The following LRFN5 variants were observed in gnomAD, a reference collection of about 807,000 sequenced individuals.
LRFN5 encodes the protein leucine rich repeat and fibronectin type III domain containing 5.
Under a neutral mutation model 45.6 loss-of-function variants are expected in LRFN5, and 24 were observed. The ratio of observed to expected loss-of-function variants is 0.53; its 90% CI spans 0.38 to 0.74. The LOEUF (loss-of-function observed/expected upper bound fraction) is 0.74. Among genes scored for constraint, LRFN5 ranks in the 30% least tolerant of loss-of-function variants. The probability of loss-of-function intolerance (pLI) is 0.00; values close to 1 mark genes in which losing one functional copy is unlikely to be tolerated. For missense variants in LRFN5, 776 were observed against 861.5 expected (o/e 0.90, Z 1.24); for synonymous variants, 340 against 313.8 (o/e 1.08, Z -0.88).
At chr14:41,792,652 TG>T (rs1221632005) in intron 2 of LRFN5, among the ~76,000 whole-genome samples, 2 of 152,070 alleles carry the variant, frequency 1.3e-5, no homozygotes, top group Admixed American at 1.3e-4. Flanking sequence ...TGGCTCTTTT[TG>T]CCTGACCCCG....
At chr14:41,729,082 G>A (rs1884057656) in intron 1 of LRFN5, among the ~76,000 whole-genome samples, 1 of 152,118 alleles carries the variant, frequency 6.6e-6, no homozygotes, top group African/African-American at 2.4e-5. Flanking sequence ...CAATCATTCA[G>A]TCACACCATC....
At chr14:41,791,041 G>A (rs1594712208) in intron 2 of LRFN5, among the ~76,000 whole-genome samples, 1 of 151,634 alleles carries the variant, frequency 6.6e-6, no homozygotes, top group East Asian at 1.9e-4. Flanking sequence ...GTATGACAGA[G>A]TTTTACTCTA....
intron 2 of LRFN5, among the ~76,000 whole-genome samples, chr14:41,773,962 T>C (rs1205637856): frequency 3.9e-5 from 6 of 152,228 alleles, no homozygotes; most frequent in African/African-American, 1.4e-4. Context: ...GTACTTGATA[T>C]AGAGGAGTCT....
At chr14:41,893,327 TTATA>T (rs1298319228) in intron 4 of LRFN5, 14 of 959,292 alleles carry the variant, frequency 1.5e-5, no homozygotes, top group Non-Finnish European at 1.7e-5. Context: ...AAAAACTTAA[TTATA>T]TAATAATTTG....
At chr14:41,688,246 G>T (rs1477019739) in intron 1 of LRFN5, among the ~76,000 whole-genome samples, 1 of 152,100 alleles carries the variant, frequency 6.6e-6, no homozygotes, top group African/African-American at 2.4e-5. Flanking sequence ...TCTACTGTTT[G>T]ATAGCATAAT....
chr14:41,835,493 T>G (rs1888630043), intron 2 of LRFN5, among the ~76,000 whole-genome samples: 1 of 152,168 alleles, frequency 6.6e-6, no homozygotes, highest in Non-Finnish European at 1.5e-5. Flanking sequence ...CCAGTAGGGT[T>G]AAATGTAGTC....
rs10654457 is a variant in LRFN5 at position 41,650,266 on chromosome 14, C to CA, written c.-197+41716dup. 2.1e-3 allele frequency among the ~76,000 whole-genome samples: 287 copies of CA among 135,518 alleles called. 1 individual carries two copies. The highest frequency in any genetic ancestry group is 3.4e-3 in the Non-Finnish European group (220 of 64,216). The allele number at this position is 135,518 out of a possible 152,430, so 88.9% of individuals were successfully genotyped here. On this transcript the variant is annotated intron_variant, in intron 1 of 5. Transcript: ENST00000298119. ...ACACACACACACACACACACACACA[C>CA]AAAAAAAAAAAAGATACTTGCAACA...
intron 1 of LRFN5, among the ~76,000 whole-genome samples, chr14:41,740,023 T>C (rs768757035): frequency 6.6e-6 from 1 of 151,970 alleles, no homozygotes; most frequent in Non-Finnish European, 1.5e-5. Context: ...AACAGACTTG[T>C]AATAAGTAAG....
At chr14:41,793,099 G>A (rs753782218) in intron 2 of LRFN5, among the ~76,000 whole-genome samples, 2 of 151,282 alleles carry the variant, frequency 1.3e-5, no homozygotes, top group Non-Finnish European at 2.9e-5. Flanking sequence ...GTATACATAT[G>A]TAACTAACCT....
chr14:41,893,496 C>A (rs1890848961), intron 4 of LRFN5: 10 of 984,284 alleles, frequency 1.0e-5, no homozygotes, highest in Non-Finnish European at 1.2e-5. Flanking sequence ...ACTTTACTAT[C>A]TTATGTCAAG....
intron 1 of LRFN5, among the ~76,000 whole-genome samples, chr14:41,618,969 G>T (rs1348385444): frequency 6.6e-6 from 1 of 152,028 alleles, no homozygotes; most frequent in Non-Finnish European, 1.5e-5. Context: ...AAGTAATTTT[G>T]ATTTGCCTAA....
At chr14:41,776,747 C>T (rs1262339620) in intron 2 of LRFN5, among the ~76,000 whole-genome samples, 2 of 151,876 alleles carry the variant, frequency 1.3e-5, no homozygotes, top group African/African-American at 2.4e-5. Context: ...GCTGTGTGTG[C>T]GTGTGTGCTT....
chr14:41,797,851 A>C (rs982970468), intron 2 of LRFN5, among the ~76,000 whole-genome samples: 16 of 151,856 alleles, frequency 1.1e-4, no homozygotes, highest in African/African-American at 3.9e-4. Context: ...TACTCAGTGT[A>C]CCATACATGT....
At chr14:41,682,428 CAA>C (rs1011063761) in intron 1 of LRFN5, among the ~76,000 whole-genome samples, 103 of 151,486 alleles carry the variant, frequency 6.8e-4, no homozygotes, top group African/African-American at 2.4e-3. Flanking sequence ...ACTAGAAAAA[CAA>C]AAGCAAAGCA....
intron 1 of LRFN5, among the ~76,000 whole-genome samples, chr14:41,674,481 C>A (rs147268230): frequency 7.7e-6 from 1 of 130,124 alleles, no homozygotes; most frequent in South Asian, 2.7e-4. Context: ...ACCTCCCGGA[C>A]GGGGTGGCTG....
chr14:41,664,387 A>G (rs1422184136), intron 1 of LRFN5, among the ~76,000 whole-genome samples: 2 of 151,830 alleles, frequency 1.3e-5, no homozygotes, highest in Admixed American at 1.3e-4. Flanking sequence ...CCTTGTGACA[A>G]TTTTTCTTGG....
chr14:41,735,264 ATTT>A (rs1290809564), intron 1 of LRFN5, among the ~76,000 whole-genome samples: 1 of 151,666 alleles, frequency 6.6e-6, no homozygotes, highest in East Asian at 2.0e-4. Context: ...CTTTATTTTT[ATTT>A]TTATTTTATA....
intron 1 of LRFN5, among the ~76,000 whole-genome samples, chr14:41,665,084 A>G (rs2138645777): frequency 6.6e-6 from 1 of 152,160 alleles, no homozygotes; most frequent in African/African-American, 2.4e-5. Flanking sequence ...CCAAGACTAG[A>G]AAACTTGAAA....
intron 1 of LRFN5, among the ~76,000 whole-genome samples, chr14:41,759,498 CAGAG>C (rs1218257938): frequency 0.045 from 1,003 of 22,324 alleles, 4 homozygotes; most frequent in Middle Eastern, 0.12. Context: ...CACACACACA[CAGAG>C]AGAGCACCAG....
Sources: allele counts gnomAD v4.1 joint callset (sites outside exome capture counted in the v4.1 genomes callset), GRCh38; gene constraint gnomAD v4.1.1; transcripts MANE v1.5; gene names NCBI Gene and HGNC (gene_info 2026-07-23, HGNC 2026-07-21).